FRMD5: variants seen among roughly 807,000 people sequenced by gnomAD.
The protein encoded by FRMD5 is FERM domain-containing protein 5.
In FRMD5, 20 loss-of-function variants were observed where a neutral mutation model predicts 69.0. The observed-to-expected ratio is 0.29, with a 90% CI of 0.20 to 0.42. The LOEUF (loss-of-function observed/expected upper bound fraction) is 0.42, where lower values mean the gene tolerates loss of function less well. Among genes scored for constraint, FRMD5 ranks in the 10% least tolerant of loss-of-function variants. The pLI is 1.00. For synonymous variants in FRMD5, 271 were observed against 260.1 expected (o/e 1.04, Z -0.40); for missense variants, 595 against 708.6 (o/e 0.84, Z 1.82).
intron 1 of FRMD5, among the ~76,000 whole-genome samples, chr15:44,167,227 G>A (rs1261317411): frequency 6.6e-6 from 1 of 152,142 alleles, no homozygotes; most frequent in African/African-American, 2.4e-5. Flanking sequence ...AATTAGCCAA[G>A]CATGGTGGGA....
intron 1 of FRMD5, among the ~76,000 whole-genome samples, chr15:44,114,650 G>A (rs898750092): frequency 5.3e-5 from 8 of 152,290 alleles, no homozygotes; most frequent in African/African-American, 1.9e-4. Context: ...ATGCCAATGT[G>A]AAAGAATATG....
At chr15:44,000,925 C>T (rs1377915117) in intron 1 of FRMD5, among the ~76,000 whole-genome samples, 1 of 152,124 alleles carries the variant, frequency 6.6e-6, no homozygotes, top group African/African-American at 2.4e-5. Context: ...GCAATCCTCC[C>T]ACCTCAGCCA....
At chr15:44,011,482 A>G (rs1171539484) in intron 1 of FRMD5, among the ~76,000 whole-genome samples, 1 of 152,190 alleles carries the variant, frequency 6.6e-6, no homozygotes, top group South Asian at 2.1e-4. Flanking sequence ...AGAAGGTCGG[A>G]CAGATGATGT....
intron 1 of FRMD5, among the ~76,000 whole-genome samples, chr15:44,142,180 C>A (rs1002359860): frequency 6.6e-6 from 1 of 152,136 alleles, no homozygotes; most frequent in Non-Finnish European, 1.5e-5. Flanking sequence ...CAGAAAATGT[C>A]CTCTTAATTA....
intron 1 of FRMD5, among the ~76,000 whole-genome samples, chr15:44,100,525 C>T (rs1021592666): frequency 1.3e-5 from 2 of 152,146 alleles, no homozygotes; most frequent in Non-Finnish European, 2.9e-5. Context: ...TATACTTCCT[C>T]CTAGTACAAT....
chr15:44,054,022 C>T (rs1018507202), intron 1 of FRMD5, among the ~76,000 whole-genome samples: 3 of 152,048 alleles, frequency 2.0e-5, no homozygotes, highest in African/African-American at 7.2e-5. Flanking sequence ...CTGTAAGCAC[C>T]CAACCTTTAA....
intron 1 of FRMD5, among the ~76,000 whole-genome samples, chr15:44,014,035 T>G: frequency 6.6e-6 from 1 of 152,020 alleles, no homozygotes. Context: ...TTTTTGTATT[T>G]TTAGTAGAGA....
At chr15:44,170,089 G>C (rs557349937) in intron 1 of FRMD5, among the ~76,000 whole-genome samples, 118 of 152,146 alleles carry the variant, frequency 7.8e-4, no homozygotes, top group Middle Eastern at 3.4e-3. Flanking sequence ...CCACGTGGTT[G>C]CTTTTTTTGT....
chr15:44,042,071 T>C (rs960528127), intron 1 of FRMD5, among the ~76,000 whole-genome samples: 4 of 151,906 alleles, frequency 2.6e-5, no homozygotes, highest in Non-Finnish European at 5.9e-5. Context: ...AAGAATCAAA[T>C]AGATGCAATA....
chr15:44,176,031 C>G (rs1310466459), intron 1 of FRMD5, among the ~76,000 whole-genome samples: 2 of 152,126 alleles, frequency 1.3e-5, no homozygotes, highest in African/African-American at 4.8e-5. Flanking sequence ...AATTGACAAG[C>G]TGATTCTAAA....
chr15:44,050,984 A>G (rs1008830885), intron 1 of FRMD5, among the ~76,000 whole-genome samples: 1 of 151,610 alleles, frequency 6.6e-6, no homozygotes, highest in African/African-American at 2.4e-5. Flanking sequence ...AATTTAGAAA[A>G]TATTTTCCTA....
chr15:44,049,514 T>C (rs2140341164), intron 1 of FRMD5, among the ~76,000 whole-genome samples: 1 of 152,310 alleles, frequency 6.6e-6, no homozygotes, highest in South Asian at 2.1e-4. Context: ...AAATAATATA[T>C]TTGTTGAGAT....
At chr15:44,195,272 G>C (rs2078272966), upstream of FRMD5, 1 of 516,044 alleles carries the variant, frequency 1.9e-6, no homozygotes, top group Admixed American at 3.9e-5. Flanking sequence ...GCCGGGCTCT[G>C]TCTCCTCGGC....
chr15:43,897,914 C>T (rs1266942493), intron 7 of FRMD5, among the ~76,000 whole-genome samples: 1 of 151,768 alleles, frequency 6.6e-6, no homozygotes, highest in Non-Finnish European at 1.5e-5. Context: ...TGGCATCTCC[C>T]CCCTCATTCT....
intron 1 of FRMD5, among the ~76,000 whole-genome samples, chr15:44,019,737 CAAAAAAAA>C (rs1189890743): frequency 3.4e-3 from 80 of 23,522 alleles, no homozygotes; most frequent in African/African-American, 8.2e-3. Flanking sequence ...GAGTCTGTCT[CAAAAAAAA>C]AAAAAAAAAA....
At chr15:44,175,684 T>C (rs374755841) in intron 1 of FRMD5, among the ~76,000 whole-genome samples, 2 of 152,142 alleles carry the variant, frequency 1.3e-5, no homozygotes, top group South Asian at 4.1e-4. Context: ...GCAGCCTTAT[T>C]CATAACTGCC....
chr15:43,877,103 T>A (rs975092505), intron 13 of FRMD5, among the ~76,000 whole-genome samples: 9 of 152,158 alleles, frequency 5.9e-5, no homozygotes, highest in African/African-American at 2.2e-4. Flanking sequence ...AATGGCTTCT[T>A]GTTTTAGGCT....
chr15:43,943,333 G>A lies in FRMD5; in HGVS notation c.103-19024C>T, dbSNP rs117134766. ...AGACTCAAGTGATCCTCCTGCCTTG[G>A]TCTCCTAAAGTGTTGGGATTACAGG... On this transcript the variant is annotated intron_variant, in intron 1 of 13. Transcript: ENST00000417257. Among the ~76,000 whole-genome samples the A allele has an allele frequency of 2.5e-3, 385 of 152,290 alleles. 12 individuals are homozygous for A. In the East Asian group the frequency reaches 0.065, roughly 26 times the overall value.
chr15:44,037,645 T>A (rs1255590655), intron 1 of FRMD5, among the ~76,000 whole-genome samples: 1 of 151,252 alleles, frequency 6.6e-6, no homozygotes, highest in Non-Finnish European at 1.5e-5. Flanking sequence ...TTTTTTTTTT[T>A]ATAGTTTTAG....
Sources: allele counts gnomAD v4.1 joint callset (sites outside exome capture counted in the v4.1 genomes callset), GRCh38; gene constraint gnomAD v4.1.1; transcripts MANE v1.5; gene names NCBI Gene and HGNC (gene_info 2026-07-23, HGNC 2026-07-21).